The following MMAB variants were observed in gnomAD, a reference collection of about 807,000 sequenced individuals.
MMAB encodes corrinoid adenosyltransferase MMAB.
A neutral mutation model predicts 30.6 loss-of-function variants in MMAB; 17 were observed. The observed-to-expected ratio is 0.56, with a 90% CI of 0.38 to 0.83. The LOEUF (loss-of-function observed/expected upper bound fraction) is 0.83. Ranked by LOEUF, MMAB falls within the 40% of genes least tolerant of loss-of-function variation. The probability of loss-of-function intolerance (pLI) is 0.00; values close to 1 mark genes in which losing one functional copy is unlikely to be tolerated. For missense variants in MMAB, 311 were observed against 331.6 expected, an observed-to-expected ratio of 0.94 and a Z score of 0.48; for synonymous variants, 134 against 138.6, an observed-to-expected ratio of 0.97 and a Z score of 0.23.
chr12:109,565,558 T>A (rs1281648432), intron 3 of MMAB, among the ~76,000 whole-genome samples: 1 of 152,020 alleles, frequency 6.6e-6, no homozygotes, highest in Non-Finnish European at 1.5e-5. Context: ...GATAGGTGAG[T>A]GGGAACCAGA....
At chr12:109,560,532 T>C (rs1396958816) in intron 7 of MMAB, among the ~76,000 whole-genome samples, 1 of 152,188 alleles carries the variant, frequency 6.6e-6, no homozygotes, top group Non-Finnish European at 1.5e-5. Flanking sequence ...GAAAAGGCTG[T>C]CAGTAGCTTT....
intron 4 of MMAB, among the ~76,000 whole-genome samples, chr12:109,563,989 G>C (rs990105677): frequency 6.6e-6 from 1 of 152,206 alleles, no homozygotes; most frequent in Non-Finnish European, 1.5e-5. Context: ...CTCCTTCTTA[G>C]GGAACAGAAC....
intron 3 of MMAB, among the ~76,000 whole-genome samples, chr12:109,566,617 C>T (rs1884436950): frequency 6.6e-6 from 1 of 152,214 alleles, no homozygotes; most frequent in Admixed American, 6.5e-5. Context: ...TCGTAGCTGC[C>T]CAGTGAGTGC....
intron 2 of MMAB, chr12:109,570,149 G>C: frequency 3.9e-6 from 1 of 256,452 alleles, no homozygotes; most frequent in South Asian, 3.0e-5. Context: ...TGTAGTCCCA[G>C]CTATTCGCGA....
intron 3 of MMAB, chr12:109,568,028 T>C (rs779276050): frequency 9.8e-5 from 15 of 152,402 alleles, no homozygotes; most frequent in African/African-American, 3.6e-4. Flanking sequence ...CAAGTCATCA[T>C]GGTGGGGTAG....
At chr12:109,568,717 T>C in intron 3 of MMAB, 53 bp downstream of exon 3, 1 of 1,340,232 alleles carries the variant, frequency 7.5e-7, no homozygotes, top group Non-Finnish European at 1.1e-6. Context: ...ATTCATTACG[T>C]TTACTCATAC....
chr12:109,564,783 ATCC>A lies in MMAB; in HGVS notation c.348+333_348+335del, dbSNP rs1051249863. ...AGCCTTGACCTCCTGGGCTCAAGAG[ATCC>A]TCCTACCTCAGTTTCCTGAGTAGCT... On this transcript the variant is annotated intron_variant, in intron 4 of 8. Transcript: ENST00000545712. 35 of 425,266 alleles carry A rather than the reference ATCC, an allele frequency of 8.2e-5. No homozygotes were observed. In the Admixed American group the frequency reaches 1.0e-3, roughly 12 times the overall value. The allele number at this position is 425,266 out of a possible 1,614,324, so 26.3% of individuals were successfully genotyped here. A position where few individuals can be genotyped will look rare whatever the true frequency, so the allele number is the denominator to read the frequency against.
chr12:109,567,064 A>G, intron 3 of MMAB: 1 of 455,918 alleles, frequency 2.2e-6, no homozygotes, highest in Non-Finnish European at 4.4e-6. Context: ...AGTGTTAAGA[A>G]TAGTAATAAT....
intron 4 of MMAB, among the ~76,000 whole-genome samples, chr12:109,564,114 G>A (rs553379736): frequency 7.9e-5 from 12 of 152,316 alleles, no homozygotes; most frequent in Admixed American, 2.6e-4. Flanking sequence ...TCTCAGCCTC[G>A]GTGCTATTGC....
At position 109,554,553 on chromosome 12, in the gene MMAB, T is replaced by C. The variant is rs985752002; in HGVS notation, c.*2475A>G. The stretch of plus-strand genomic sequence containing the variant: ...CTTTAAATAAAAACAGGCTGCTGTT[T>C]GTTTCAAAACCCCGTGTTCCCGTGC... On this transcript the variant is annotated 3_prime_UTR_variant, in exon 9 of 9. Transcript: ENST00000545712. The C allele has an allele frequency of 4.4e-6, 2 of 454,038 alleles. No homozygotes were observed. The highest frequency in any genetic ancestry group is 8.8e-6 in the Non-Finnish European group (2 of 226,808). 28.1% of individuals were successfully genotyped at this position (454,038 alleles called of 1,614,324 possible). A position where few individuals can be genotyped will look rare whatever the true frequency, so the allele number is the denominator to read the frequency against.
intron 8 of MMAB, 61 bp from the exon 9 acceptor site, chr12:109,557,197 T>G: frequency 8.9e-7 from 1 of 1,121,598 alleles, no homozygotes; most frequent in Non-Finnish European, 1.4e-6. Flanking sequence ...CAACGCTAAC[T>G]GGGTCTTCCC....
rs1883906982 is a variant in MMAB at position 109,554,922 on chromosome 12, G to T, written c.*2106C>A. 2 of 454,050 alleles carry T rather than the reference G, an allele frequency of 4.4e-6. No homozygotes were observed. The highest frequency in any genetic ancestry group is 2.0e-5 in the African/African-American group (1 of 50,022). 28.1% of individuals were successfully genotyped at this position (454,050 alleles called of 1,614,324 possible). On this transcript the variant is annotated 3_prime_UTR_variant, in exon 9 of 9. Transcript: ENST00000545712. ...CCCTGCACCCAGGTGGTTTCTCAGA[G>T]AAGTGTTTGCTGGTGAACCGGGAGA... is the stretch of plus-strand genomic sequence containing the variant.
In MMAB at chr12:109,555,431, C is replaced by T. The variant is rs992407806; in HGVS notation, c.*1597G>A. On this transcript the variant is annotated 3_prime_UTR_variant, in exon 9 of 9. Coordinates refer to ENST00000545712, the MANE Select transcript of MMAB (RefSeq NM_052845.4). ...CTGAATAGCTGGGATTACAGGCACCCGCCACCATGCCCAGCTAATTTTTTT... is the reference window on the plus strand; with the variant it reads ...CTGAATAGCTGGGATTACAGGCACCTGCCACCATGCCCAGCTAATTTTTTT... 12 of 409,266 alleles carry T rather than the reference C, an allele frequency of 2.9e-5. No individual in the cohort carries two copies. Among genetic ancestry groups the T allele is most frequent in the African/African-American group, 8.6e-5 (4 of 46,278 alleles). 25.4% of individuals were successfully genotyped at this position (409,266 alleles called of 1,614,324 possible).
rs1884100386 is a variant in MMAB, at chr12:109,559,171, A to T, written c.585-16T>A. 1.9e-6 allele frequency: 3 copies of T among 1,605,840 alleles called. No homozygotes were observed. The highest frequency in any genetic ancestry group is 3.3e-5 in the Admixed American group (2 of 59,996). On this transcript the variant is annotated splice_polypyrimidine_tract_variant and intron_variant, in intron 7 of 8. Transcript: ENST00000545712. ...AGGCACCACACTAGAAAGGGAGGAG[A>T]CACTGAGTCACGTGACATTATGGGG... is the stretch of plus-strand genomic sequence containing the variant.
rs1369848645 is a variant in MMAB at position 109,566,135 on chromosome 12, C to CA, written c.291-960dup. Among the ~76,000 whole-genome samples the CA allele has an allele frequency of 2.0e-5, 3 of 152,310 alleles. No individual in the cohort carries two copies. In the East Asian group the frequency reaches 5.8e-4, roughly 29 times the overall value. On this transcript the variant is annotated intron_variant, in intron 3 of 8. Coordinates refer to ENST00000545712, the MANE Select transcript of MMAB (RefSeq NM_052845.4). Reference sequence around the variant, plus strand: ...GGAGTTAGGTAGGGAGCCCAGCTGCCACCAGAGCCATGCACCACTGGGGAA... The same window carrying CA: ...GGAGTTAGGTAGGGAGCCCAGCTGCCAACCAGAGCCATGCACCACTGGGGAA...
chr12:109,570,002 CTG>C (rs1442746575), intron 2 of MMAB: 4 of 222,482 alleles, frequency 1.8e-5, no homozygotes, highest in Non-Finnish European at 3.8e-5. Flanking sequence ...GTGGCTCACA[CTG>C]TAATCCCAGG....
Position 109,554,337 on chromosome 12 carries a change from C to T in MMAB, c.*2691G>A, listed in dbSNP as rs1883890154. 1 of 453,998 alleles carries T rather than the reference C, an allele frequency of 2.2e-6. No homozygotes were observed. The highest frequency in any genetic ancestry group is 2.3e-5 in the Admixed American group (1 of 42,562). The allele number at this position is 453,998 out of a possible 1,614,324, so 28.1% of individuals were successfully genotyped here. On this transcript the variant is annotated 3_prime_UTR_variant, in exon 9 of 9. Coordinates refer to ENST00000545712, the MANE Select transcript of MMAB (RefSeq NM_052845.4). ...GGCTTCTCTCTGACACAAGAGCCAA[C>T]TGCCAGCTTGTCTCTGGAAATGACA...
Position 109,569,551 on chromosome 12 carries a change from T to C in MMAB, c.197-688A>G, listed in dbSNP as rs754309825. 2.0e-5 allele frequency among the ~76,000 whole-genome samples: 3 copies of C among 152,234 alleles called. No individual in the cohort carries two copies. Among genetic ancestry groups the C allele is most frequent in the Non-Finnish European group, 1.5e-5 (1 of 68,042 alleles). On this transcript the variant is annotated intron_variant, in intron 2 of 8. Transcript: ENST00000545712. The surrounding 1 kb of genome is among the most constrained non-coding windows in gnomAD (Gnocchi z 4.1). ...TTATATCATATATACATTACCATTA[T>C]ATTTCACATGAAGTCAAAGTCCTCT... is the stretch of plus-strand genomic sequence containing the variant.
chr12:109,556,648 T>TCTCTCTCTCACACACA lies in MMAB; in HGVS notation c.*379_*380insTGTGTGTGAGAGAGAG, dbSNP rs1555273916. The TCTCTCTCTCACACACA allele has an allele frequency of 8.2e-3, 2,693 of 328,182 alleles. 61 individuals are homozygous for TCTCTCTCTCACACACA. Among genetic ancestry groups the TCTCTCTCTCACACACA allele is most frequent in the African/African-American group, 0.07 (2,384 of 33,874 alleles). 20.3% of individuals were successfully genotyped at this position (328,182 alleles called of 1,614,324 possible). ...GAGCTGGCAGTGGGAGGGCTCTCTC[T>TCTCTCTCTCACACACA]CACACACACACACACACACACACAC... is the stretch of plus-strand genomic sequence containing the variant. On this transcript the variant is annotated 3_prime_UTR_variant, in exon 9 of 9. Coordinates refer to ENST00000545712, the MANE Select transcript of MMAB (RefSeq NM_052845.4).
Sources: allele counts gnomAD v4.1 joint callset (sites outside exome capture counted in the v4.1 genomes callset), GRCh38; gene constraint gnomAD v4.1.1; non-coding constraint Gnocchi (gnomAD v3.1); transcripts MANE v1.5; gene names NCBI Gene and HGNC (gene_info 2026-07-23, HGNC 2026-07-21).